Variants in PLCB1 observed in about 807,000 individuals in gnomAD.
PLCB1 encodes the protein 1-phosphatidylinositol 4,5-bisphosphate phosphodiesterase beta-1.
PLCB1 carries 46 observed loss-of-function variants against 161.8 expected under a neutral mutation model. The observed-to-expected ratio is 0.28, with a 90% confidence interval of 0.22 to 0.36. PLCB1 has a LOEUF of 0.36. Ranked by LOEUF, PLCB1 falls within the 10% of genes least tolerant of loss-of-function variation. The probability of loss-of-function intolerance (pLI) is 1.00; values close to 1 mark genes in which losing one functional copy is unlikely to be tolerated. For missense variants in PLCB1, 1,016 were observed against 1,472.5 expected (o/e 0.69, Z 5.07); for synonymous variants, 517 against 503.7 (o/e 1.03, Z -0.35).
intron 2 of PLCB1, among the ~76,000 whole-genome samples, chr20:8,264,314 T>G (rs180781936): frequency 1.3e-5 from 2 of 152,150 alleles, no homozygotes; most frequent in Non-Finnish European, 2.9e-5. Flanking sequence ...CCTCATATGA[T>G]AGCAATGCCT....
At chr20:8,849,880 G>T (rs912120227) in intron 31 of PLCB1, among the ~76,000 whole-genome samples, 1 of 151,576 alleles carries the variant, frequency 6.6e-6, no homozygotes, top group Non-Finnish European at 1.5e-5. Context: ...GGGCATGCTG[G>T]TGCAGGCCTG....
At chr20:8,821,495 AAAT>A (rs1344359391) in intron 31 of PLCB1, among the ~76,000 whole-genome samples, 1,285 of 6,882 alleles carry the variant, frequency 0.19, 172 homozygotes, top group African/African-American at 0.31. Flanking sequence ...AAAAAAAAAA[AAAT>A]ATGTATATAT....
chr20:8,714,820 T>G (rs1365566694), intron 12 of PLCB1, among the ~76,000 whole-genome samples: 1 of 152,022 alleles, frequency 6.6e-6, no homozygotes, highest in East Asian at 1.9e-4. Context: ...GCCAGAGAAC[T>G]CACTTTCCAC....
intron 2 of PLCB1, among the ~76,000 whole-genome samples, chr20:8,153,721 G>T (rs533183680): frequency 2.0e-5 from 3 of 152,198 alleles, no homozygotes; most frequent in East Asian, 3.9e-4. Context: ...AATAAAACTA[G>T]TCACCACTAG....
intron 23 of PLCB1, chr20:8,752,211 T>C (rs761981559): frequency 2.0e-5 from 3 of 152,234 alleles, no homozygotes; most frequent in Admixed American, 1.3e-4. Flanking sequence ...GCTGTTATCA[T>C]AGAGTGGACT....
chr20:8,208,898 T>C (rs997187147), intron 2 of PLCB1, among the ~76,000 whole-genome samples: 4 of 152,146 alleles, frequency 2.6e-5, no homozygotes, highest in African/African-American at 9.7e-5. Flanking sequence ...TTAAGTAAAA[T>C]AGAAAGCGGA....
chr20:8,475,638 C>CT (rs1007740136), intron 3 of PLCB1, among the ~76,000 whole-genome samples: 1 of 152,116 alleles, frequency 6.6e-6, no homozygotes, highest in African/African-American at 2.4e-5. Context: ...CACTTGCACA[C>CT]TTTTTTTCAG....
At position 8,746,741 on chromosome 20, in the gene PLCB1, T is replaced by C. The variant is rs114295885; in HGVS notation, c.2523+5168T>C. On this transcript the variant is annotated intron_variant, in intron 23 of 31. Coordinates refer to ENST00000338037, the MANE Select transcript of PLCB1 (RefSeq NM_015192.4). ...TTAACAAATGAAGAAACTAAGGCAC[T>C]GAGGAGTTAAATTGCTTGCCCTGTG... Among the ~76,000 whole-genome samples, 136 of 152,334 alleles carry C rather than the reference T, an allele frequency of 8.9e-4. 2 individuals carry two copies. Among genetic ancestry groups the C allele is most frequent in the African/African-American group, 3.1e-3 (130 of 41,570 alleles).
intron 31 of PLCB1, among the ~76,000 whole-genome samples, chr20:8,844,697 TG>T (rs1986626750): frequency 6.6e-6 from 1 of 152,220 alleles, no homozygotes; most frequent in Non-Finnish European, 1.5e-5. Context: ...TCAATAGGTA[TG>T]AGTAAAGCTA....
At chr20:8,799,339 C>A (rs979256597) in intron 31 of PLCB1, among the ~76,000 whole-genome samples, 1 of 152,172 alleles carries the variant, frequency 6.6e-6, no homozygotes, top group African/African-American at 2.4e-5. Context: ...ATGAGGTGGA[C>A]TTTTATCATA....
chr20:8,432,023 G>A (rs1049603449), intron 3 of PLCB1, among the ~76,000 whole-genome samples: 1 of 151,662 alleles, frequency 6.6e-6, no homozygotes, highest in Non-Finnish European at 1.5e-5. Context: ...CCTCTTCTTT[G>A]TATGTGGTGG....
chr20:8,307,007 T>C (rs1984162813), intron 2 of PLCB1, among the ~76,000 whole-genome samples: 1 of 152,252 alleles, frequency 6.6e-6, no homozygotes, highest in African/African-American at 2.4e-5. Flanking sequence ...TCAAATGACT[T>C]CAGGAACACA....
At chr20:8,311,422 C>A (rs1057409520) in intron 2 of PLCB1, among the ~76,000 whole-genome samples, 6 of 152,184 alleles carry the variant, frequency 3.9e-5, no homozygotes. Flanking sequence ...CTTCCTGAAG[C>A]TCTGCATTCA....
chr20:8,760,148 G>C (rs938597212), intron 24 of PLCB1, among the ~76,000 whole-genome samples: 1 of 151,892 alleles, frequency 6.6e-6, no homozygotes, highest in Non-Finnish European at 1.5e-5. Flanking sequence ...CAAGTGATCC[G>C]CCTGCCTCGG....
chr20:8,330,133 A>G (rs1470510704), intron 2 of PLCB1, among the ~76,000 whole-genome samples: 2 of 152,180 alleles, frequency 1.3e-5, no homozygotes, highest in African/African-American at 4.8e-5. Context: ...CTTAAAATGA[A>G]TGAGAACAAT....
At chr20:8,824,881 A>G (rs967627645) in intron 31 of PLCB1, among the ~76,000 whole-genome samples, 4 of 152,222 alleles carry the variant, frequency 2.6e-5, no homozygotes, top group African/African-American at 9.6e-5. Flanking sequence ...TAGTAAGCCA[A>G]TCATAACACA....
At chr20:8,179,845 G>GTTTT (rs2051819906) in intron 2 of PLCB1, among the ~76,000 whole-genome samples, 1 of 123,380 alleles carries the variant, frequency 8.1e-6, no homozygotes, top group African/African-American at 3.3e-5. Context: ...TTTGTTGAGG[G>GTTTT]CTTTTTTTTT....
chr20:8,822,045 C>A (rs796714238), intron 31 of PLCB1, among the ~76,000 whole-genome samples: 9 of 146,664 alleles, frequency 6.1e-5, no homozygotes, highest in Non-Finnish European at 1.2e-4. Context: ...TTTTTTTTTT[C>A]TTTTAATGTG....
At chr20:8,772,046 ATTT>A (rs57175112) in intron 26 of PLCB1, among the ~76,000 whole-genome samples, 16 of 121,858 alleles carry the variant, frequency 1.3e-4, no homozygotes, top group African/African-American at 2.9e-4. Context: ...GGCCCGGTTA[ATTT>A]TTTTTTTTTT....
Sources: gnomAD v4.1 joint callset for allele counts (sites outside exome capture counted in the v4.1 genomes callset) on GRCh38, gnomAD v4.1.1 for gene constraint, MANE v1.5 for transcripts, NCBI Gene and HGNC (gene_info 2026-07-23, HGNC 2026-07-21) for gene names.